Variants in HSPA12A observed in about 807,000 individuals in gnomAD.
The protein encoded by HSPA12A is heat shock 70 kDa protein 12A.
HSPA12A carries 28 observed loss-of-function variants against 69.2 expected under a neutral mutation model. That is an observed-to-expected ratio of 0.40 (90% CI 0.30 to 0.55). HSPA12A has a LOEUF of 0.55. HSPA12A is among the 20% of genes least tolerant of loss of function. The pLI is 0.38. For synonymous variants in HSPA12A, 345 were observed against 370.5 expected, an observed-to-expected ratio of 0.93 and a Z score of 0.79; for missense variants, 686 against 900.7, an observed-to-expected ratio of 0.76 and a Z score of 3.05.
At chr10:116,739,271 T>C (rs938778083) in intron 1 of HSPA12A, among the ~76,000 whole-genome samples, 2 of 152,190 alleles carry the variant, frequency 1.3e-5, no homozygotes, top group African/African-American at 2.4e-5. Context: ...GAAATGGGGA[T>C]CACAGGGCGT....
chr10:116,676,662 G>A (rs1849246631), intron 10 of HSPA12A, among the ~76,000 whole-genome samples, 160 bp from the exon 11 acceptor site: 1 of 152,178 alleles, frequency 6.6e-6, no homozygotes, highest in Admixed American at 6.5e-5. Flanking sequence ...AAACTGCCAG[G>A]ACCTGGACCC....
intron 1 of HSPA12A, among the ~76,000 whole-genome samples, chr10:116,715,345 TA>T (rs1850573502): frequency 6.6e-6 from 1 of 152,204 alleles, no homozygotes; most frequent in African/African-American, 2.4e-5. Flanking sequence ...TAGTGGATCC[TA>T]ACTCAAACAA....
intron 1 of HSPA12A, among the ~76,000 whole-genome samples, chr10:116,715,855 G>T (rs1475180620): frequency 4.6e-5 from 7 of 152,210 alleles, no homozygotes; most frequent in Admixed American, 4.6e-4. Context: ...GACTCTGAAA[G>T]CTTGGGAAGG....
intron 5 of HSPA12A, among the ~76,000 whole-genome samples, chr10:116,694,811 C>A (rs1849838876): frequency 6.6e-6 from 1 of 152,086 alleles, no homozygotes. Context: ...CTGGGTCCAC[C>A]TCGTTGTGCC....
chr10:116,720,051 T>C (rs1281381621), intron 1 of HSPA12A, among the ~76,000 whole-genome samples: 2 of 152,366 alleles, frequency 1.3e-5, no homozygotes, highest in African/African-American at 4.8e-5. Context: ...GGGAATTTAA[T>C]AGTGGTGACG....
chr10:116,812,499 AC>A (rs1845212357), intron 2 of HSPA12A, among the ~76,000 whole-genome samples: 2 of 151,824 alleles, frequency 1.3e-5, no homozygotes, highest in African/African-American at 4.8e-5. Context: ...AAATCAGGGA[AC>A]CCCCACAACC....
In HSPA12A at chr10:116,674,656, C is replaced by T. The variant is rs1163922728; in HGVS notation, c.*125G>A. ...AATTATTTCTAGCCCTGATTGTTCT[C>T]ATCTTCCCTGCTGAAATTCACATGG... On this transcript the variant is annotated 3_prime_UTR_variant, in exon 12 of 12. Transcript: ENST00000369209. 12 of 946,254 alleles carry T rather than the reference C, an allele frequency of 1.3e-5. No homozygotes were observed. The highest frequency in any genetic ancestry group is 4.9e-5 in the Admixed American group (2 of 40,424). The allele number at this position is 946,254 out of a possible 1,614,324, so 58.6% of individuals were successfully genotyped here.
At chr10:116,676,949 G>C (rs1849257040) in intron 10 of HSPA12A, among the ~76,000 whole-genome samples, 1 of 152,224 alleles carries the variant, frequency 6.6e-6, no homozygotes, top group Non-Finnish European at 1.5e-5. Flanking sequence ...TCAGGTGACA[G>C]AGTAAGCCTA....
intron 2 of HSPA12A, among the ~76,000 whole-genome samples, chr10:116,765,335 A>G (rs1213369808): frequency 1.3e-5 from 2 of 152,190 alleles, no homozygotes; most frequent in East Asian, 3.8e-4. Context: ...AAAAATTTAA[A>G]TTAAATAAGT....
At chr10:116,707,734 G>A (rs1210209566) in intron 1 of HSPA12A, among the ~76,000 whole-genome samples, 1 of 152,130 alleles carries the variant, frequency 6.6e-6, no homozygotes, top group African/African-American at 2.4e-5. Context: ...GGGGTGAGGG[G>A]TACCTCCCCC....
Position 116,772,638 on chromosome 10 carries a change from CTGTGGTTCTTCT to C in HSPA12A, c.91+62285_91+62296del, listed in dbSNP as rs1844236747. On this transcript the variant is annotated intron_variant, in intron 2 of 12. Transcript: ENST00000635765. ...GGCCCTATCTCTGCTCTAGGAAAGC[CTGTGGTTCTTCT>C]TTTTCTTTTCCTTTCTATCTTTATT... Among the ~76,000 whole-genome samples, 5 of 152,152 alleles carry C rather than the reference CTGTGGTTCTTCT, an allele frequency of 3.3e-5. No homozygotes were observed. In the South Asian group the frequency reaches 1.0e-3, roughly 32 times the overall value.
chr10:116,790,218 C>T (rs1033388103), intron 2 of HSPA12A, among the ~76,000 whole-genome samples: 5 of 150,670 alleles, frequency 3.3e-5, no homozygotes, highest in African/African-American at 1.2e-4. Flanking sequence ...ATTCTCCTGC[C>T]TCAGCCTCCC....
intron 2 of HSPA12A, among the ~76,000 whole-genome samples, chr10:116,784,897 C>T (rs797031822): frequency 1.3e-5 from 2 of 152,130 alleles, no homozygotes; most frequent in Non-Finnish European, 2.9e-5. Context: ...GCTGAGGGCA[C>T]GTGTCTACAA....
intron 1 of HSPA12A, among the ~76,000 whole-genome samples, chr10:116,734,342 C>T (rs1638417): frequency 0.67 from 101,005 of 151,446 alleles, 34,596 homozygotes; most frequent in Middle Eastern, 0.87. Context: ...CCCAGCTACT[C>T]GGGAAGCTGA....
At chr10:116,836,412 G>A (rs1845711446) in intron 1 of HSPA12A, among the ~76,000 whole-genome samples, 2 of 152,160 alleles carry the variant, frequency 1.3e-5, no homozygotes, top group African/African-American at 4.8e-5. Context: ...ACTGGCACCT[G>A]CTAATGAGAT....
chr10:116,680,282 T>G lies in HSPA12A; in HGVS notation c.1028-521A>C, dbSNP rs143404156. ...TGGGATTACAGGCATGAGCCACCACTCCCAGCCAACAATCTATTTTAAATC... is the reference window on the plus strand; with the variant it reads ...TGGGATTACAGGCATGAGCCACCACGCCCAGCCAACAATCTATTTTAAATC... On this transcript the variant is annotated intron_variant, in intron 9 of 11. Coordinates refer to ENST00000369209, the MANE Select transcript of HSPA12A (RefSeq NM_025015.3). 3.1e-3 allele frequency among the ~76,000 whole-genome samples: 476 copies of G among 152,090 alleles called. 4 individuals are homozygous for G. The highest frequency in any genetic ancestry group is 0.011 in the African/African-American group (460 of 41,516).
chr10:116,790,506 C>G (rs10886011), intron 2 of HSPA12A, among the ~76,000 whole-genome samples: 65,663 of 151,314 alleles, frequency 0.43, 14,373 homozygotes, highest in Admixed American at 0.52. Flanking sequence ...CCCGAACATC[C>G]AGCCCCAGGG....
intron 2 of HSPA12A, among the ~76,000 whole-genome samples, chr10:116,763,709 A>AAATGTGCTCTGG (rs1431295766): frequency 1.3e-5 from 2 of 152,154 alleles, no homozygotes; most frequent in African/African-American, 4.8e-5. Flanking sequence ...CTCATGAACA[A>AAATGTGCTCTGG]AATGTGCTCT....
intron 1 of HSPA12A, among the ~76,000 whole-genome samples, chr10:116,709,325 G>A (rs1449273253): frequency 1.3e-5 from 2 of 152,028 alleles, no homozygotes; most frequent in Non-Finnish European, 1.5e-5. Flanking sequence ...GCACATGCCT[G>A]TAGTCCCAGC....
Sources: gnomAD v4.1 joint callset for allele counts (sites outside exome capture counted in the v4.1 genomes callset) on GRCh38, gnomAD v4.1.1 for gene constraint, MANE v1.5 for transcripts, NCBI Gene and HGNC (gene_info 2026-07-23, HGNC 2026-07-21) for gene names.